GRID1: variants seen among roughly 807,000 people sequenced by gnomAD.
GRID1 encodes glutamate ionotropic receptor delta type subunit 1.
Under a neutral mutation model 98.0 loss-of-function variants are expected in GRID1, and 28 were observed. The ratio of observed to expected loss-of-function variants is 0.29; its 90% CI spans 0.21 to 0.39. The LOEUF (loss-of-function observed/expected upper bound fraction) is 0.39, where lower values mean the gene tolerates loss of function less well. Ranked by LOEUF, GRID1 falls within the 10% of genes least tolerant of loss-of-function variation. The pLI, the probability that GRID1 is intolerant of heterozygous loss-of-function variation, is 1.00. For missense variants in GRID1, 1,111 were observed against 1,340.5 expected (o/e 0.83, Z 2.67); for synonymous variants, 553 against 538.5 (o/e 1.03, Z -0.37).
chr10:86,002,110 A>G (rs1034555610), intron 4 of GRID1, among the ~76,000 whole-genome samples: 2 of 152,206 alleles, frequency 1.3e-5, no homozygotes, highest in Non-Finnish European at 2.9e-5. Context: ...GATCACCCTC[A>G]TGAGCTCATT....
chr10:85,633,565 A>G (rs1842998562), intron 13 of GRID1, among the ~76,000 whole-genome samples: 1 of 152,222 alleles, frequency 6.6e-6, no homozygotes, highest in Admixed American at 6.5e-5. Flanking sequence ...TGCTGTGAGG[A>G]TAGAGAAGCA....
Position 86,138,951 on chromosome 10 carries a change from G to C in GRID1, c.594C>G (p.Asp198Glu). The C allele has an allele frequency of 3.7e-6, 6 of 1,613,870 alleles. No homozygotes were observed. The highest frequency in any genetic ancestry group is 5.1e-6 in the Non-Finnish European group (6 of 1,179,706). Reference sequence around the variant, plus strand: ...TGGTGAATACGTGGCTAATGTTCTTGTCCACCTTTTGTAAAGAGACGTCAA... The same window carrying C: ...TGGTGAATACGTGGCTAATGTTCTTCTCCACCTTTTGTAAAGAGACGTCAA... Reference protein sequence around the residue: ...LGLDVSLQKVDKNISHVFTSL... With the variant: ...LGLDVSLQKVEKNISHVFTSL... Residue 198 changes from aspartate (D) to glutamate (E), a missense_variant, in exon 4 of 16, where the codon GAC (aspartate) becomes GAG (glutamate). Asp to Glu is a conservative substitution (Grantham distance 45, BLOSUM62 2). Coordinates refer to ENST00000327946, the MANE Select transcript of GRID1 (RefSeq NM_017551.3).
intron 8 of GRID1, among the ~76,000 whole-genome samples, chr10:85,735,680 T>A (rs768527529): frequency 1.3e-5 from 2 of 152,046 alleles, no homozygotes; most frequent in Non-Finnish European, 2.9e-5. Context: ...TCTCTTTTCA[T>A]GGGGAGGAAG....
At position 85,954,780 on chromosome 10, in the gene GRID1, T is replaced by C. The variant is rs138803179; in HGVS notation, c.727-38541A>G. On this transcript the variant is annotated intron_variant, in intron 4 of 15. Coordinates refer to ENST00000327946, the MANE Select transcript of GRID1 (RefSeq NM_017551.3). Reference sequence around the variant, plus strand: ...CAAGGCAGTAAATTACACTAATAAGTGTTGAAGTAGTGTGAACTCAAACAT... The same window carrying C: ...CAAGGCAGTAAATTACACTAATAAGCGTTGAAGTAGTGTGAACTCAAACAT... 2.2e-3 allele frequency among the ~76,000 whole-genome samples: 339 copies of C among 152,314 alleles called. 2 individuals are homozygous for C. Among genetic ancestry groups the C allele is most frequent in the African/African-American group, 7.7e-3 (322 of 41,562 alleles).
At chr10:86,299,223 G>A (rs1336454835) in intron 2 of GRID1, among the ~76,000 whole-genome samples, 1 of 123,516 alleles carries the variant, frequency 8.1e-6, no homozygotes, top group Non-Finnish European at 1.7e-5. Context: ...TATAATAAAT[G>A]TCTACATTTA....
At chr10:85,976,682 G>T (rs961925897) in intron 4 of GRID1, among the ~76,000 whole-genome samples, 3 of 152,204 alleles carry the variant, frequency 2.0e-5, no homozygotes, top group East Asian at 1.9e-4. Flanking sequence ...CCCTCGTCCA[G>T]TTCCCCAGTG....
intron 3 of GRID1, among the ~76,000 whole-genome samples, chr10:86,159,735 G>T (rs1177806852): frequency 6.6e-6 from 1 of 152,148 alleles, no homozygotes; most frequent in Non-Finnish European, 1.5e-5. Flanking sequence ...GTCAGCCAGG[G>T]TTCAACACTG....
At chr10:86,333,138 A>G (rs1015880997) in intron 2 of GRID1, among the ~76,000 whole-genome samples, 1 of 152,088 alleles carries the variant, frequency 6.6e-6, no homozygotes, top group African/African-American at 2.4e-5. Flanking sequence ...GCTCCAGCAA[A>G]CCACCAGGCA....
At chr10:85,698,486 G>A (rs927857195) in intron 12 of GRID1, among the ~76,000 whole-genome samples, 1 of 152,136 alleles carries the variant, frequency 6.6e-6, no homozygotes, top group Non-Finnish European at 1.5e-5. Context: ...TTTTCAACCT[G>A]ATAGCTCATT....
chr10:86,326,510 GA>G (rs1345963231), intron 2 of GRID1, among the ~76,000 whole-genome samples: 6 of 152,202 alleles, frequency 3.9e-5, no homozygotes, highest in African/African-American at 1.4e-4. Flanking sequence ...AAATCGGAGG[GA>G]AACTTTAATG....
At chr10:85,774,581 C>G (rs1419022855) in intron 8 of GRID1, among the ~76,000 whole-genome samples, 1 of 152,078 alleles carries the variant, frequency 6.6e-6, no homozygotes, top group Admixed American at 6.5e-5. Flanking sequence ...ACTCATCTGA[C>G]AAAGGGCTAA....
At chr10:85,753,527 A>G (rs1842067674) in intron 8 of GRID1, among the ~76,000 whole-genome samples, 1 of 152,220 alleles carries the variant, frequency 6.6e-6, no homozygotes, top group Non-Finnish European at 1.5e-5. Context: ...ATGACACTAA[A>G]ACCAAAGGGT....
At chr10:85,868,897 G>A (rs563568286) in intron 6 of GRID1, 113 bp downstream of exon 6, 5 of 820,128 alleles carry the variant, frequency 6.1e-6, no homozygotes, top group East Asian at 2.5e-5. Flanking sequence ...AAATGACAGA[G>A]CTCTAGTAAT....
intron 13 of GRID1, among the ~76,000 whole-genome samples, chr10:85,638,342 AC>A: frequency 6.6e-6 from 1 of 152,238 alleles, no homozygotes; most frequent in Non-Finnish European, 1.5e-5. Context: ...GAAGAAATTG[AC>A]AAAATGATTC....
At chr10:85,898,970 A>G (rs1368968574) in intron 5 of GRID1, among the ~76,000 whole-genome samples, 1 of 152,214 alleles carries the variant, frequency 6.6e-6, no homozygotes, top group African/African-American at 2.4e-5. Context: ...GCAGCACAGT[A>G]GGTTTGTTTA....
intron 4 of GRID1, among the ~76,000 whole-genome samples, chr10:86,098,929 C>T (rs1844257146): frequency 6.6e-6 from 1 of 152,154 alleles, no homozygotes; most frequent in South Asian, 2.1e-4. Context: ...GCCATTGATG[C>T]CCACTTGAAA....
intron 5 of GRID1, among the ~76,000 whole-genome samples, chr10:85,907,309 G>T (rs1464680485): frequency 6.6e-6 from 1 of 152,004 alleles, no homozygotes; most frequent in Non-Finnish European, 1.5e-5. Context: ...ATGGGGTTTC[G>T]CCATGTTGGC....
intron 2 of GRID1, among the ~76,000 whole-genome samples, chr10:86,291,759 T>G (rs1324329083): frequency 1.3e-5 from 2 of 152,210 alleles, no homozygotes; most frequent in Non-Finnish European, 2.9e-5. Context: ...CCAAGGCTGA[T>G]GCAAAGTGAC....
At chr10:86,177,033 G>C (rs140217320) in intron 3 of GRID1, among the ~76,000 whole-genome samples, 3 of 151,942 alleles carry the variant, frequency 2.0e-5, no homozygotes, top group Admixed American at 2.0e-4. Flanking sequence ...AGGCATGCAC[G>C]GTACAGTTTC....
Sources: allele counts gnomAD v4.1 joint callset (sites outside exome capture counted in the v4.1 genomes callset), GRCh38; gene constraint gnomAD v4.1.1; transcripts MANE v1.5; gene names NCBI Gene and HGNC (gene_info 2026-07-23, HGNC 2026-07-21).